The following DHX35 variants were observed in gnomAD, a reference collection of about 807,000 sequenced individuals.
DHX35 encodes probable ATP-dependent RNA helicase DHX35.
DHX35 carries 84 observed loss-of-function variants against 99.6 expected under a neutral mutation model. The ratio of observed to expected loss-of-function variants is 0.84; its 90% CI spans 0.71 to 1.01. The LOEUF is 1.01. DHX35 is among the 50% of genes least tolerant of loss of function. DHX35 has a pLI of 0.00. For missense variants in DHX35, 852 were observed against 888.5 expected, an observed-to-expected ratio of 0.96 and a Z score of 0.52; for synonymous variants, 331 against 316.2, an observed-to-expected ratio of 1.05 and a Z score of -0.50.
chr20:39,022,249 C>G (rs948185129), intron 16 of DHX35, among the ~76,000 whole-genome samples: 1 of 152,190 alleles, frequency 6.6e-6, no homozygotes, highest in African/African-American at 2.4e-5. Context: ...CAACTGCACT[C>G]TGCCTCCCAG....
At chr20:38,984,562 T>G (rs2086222211) in intron 4 of DHX35, among the ~76,000 whole-genome samples, 1 of 152,204 alleles carries the variant, frequency 6.6e-6, no homozygotes, top group African/African-American at 2.4e-5. Context: ...TATTAAAGCT[T>G]GAAAAGTAAG....
At chr20:39,034,936 T>A (rs927045213) in intron 21 of DHX35, among the ~76,000 whole-genome samples, 11 of 151,922 alleles carry the variant, frequency 7.2e-5, no homozygotes, top group Admixed American at 3.9e-4. Flanking sequence ...TTAAAAAAAA[T>A]TTTTTTAGGG....
At position 39,025,325 on chromosome 20, in the gene DHX35, T is replaced by C. The variant is rs374189771; in HGVS notation, c.1767T>C (p.Leu589=). The C allele has an allele frequency of 8.7e-6, 14 of 1,613,750 alleles. No homozygotes were observed. The African/African-American group carries it at 1.7e-4, about 20-fold the overall frequency. ...TAAGAGAACAATTGAAAAAGCTTCTTGTCAAGTTTCAAGTGCCCAGGAAGT... is the reference window on the plus strand; with the variant it reads ...TAAGAGAACAATTGAAAAAGCTTCTCGTCAAGTTTCAAGTGCCCAGGAAGT... ...ATVREQLKKL[L]VKFQVPRKSS... is the part of the protein sequence containing the mutation. The change falls in exon 18 of 22, where the codon CTT becomes CTC. Residue 589 remains leucine (L), a synonymous_variant. Transcript: ENST00000252011.
intron 8 of DHX35, among the ~76,000 whole-genome samples, chr20:38,998,210 T>G (rs2145887634): frequency 6.6e-6 from 1 of 152,384 alleles, no homozygotes; most frequent in Admixed American, 6.5e-5. Context: ...TGCTTTTCTT[T>G]TATTTGCGTC....
intron 21 of DHX35, 92 bp from the exon 22 acceptor site, chr20:39,038,407 G>A (rs1436605741): frequency 7.2e-7 from 1 of 1,381,976 alleles, no homozygotes; most frequent in Non-Finnish European, 1.0e-6. Flanking sequence ...CCAGATGGAA[G>A]ATTTGATGTG....
chr20:39,029,818 C>T (rs944353571), intron 19 of DHX35: 1 of 152,272 alleles, frequency 6.6e-6, no homozygotes, highest in Non-Finnish European at 1.5e-5. Flanking sequence ...CAGCTCACCA[C>T]CCCCTGGTAG....
chr20:38,990,917 C>T (rs2086327923), intron 5 of DHX35, among the ~76,000 whole-genome samples: 1 of 152,148 alleles, frequency 6.6e-6, no homozygotes, highest in South Asian at 2.1e-4. Context: ...AGTAACTTGT[C>T]CAAGGTTCAC....
intron 8 of DHX35, among the ~76,000 whole-genome samples, chr20:38,995,594 C>T (rs1033561758): frequency 6.6e-6 from 1 of 152,030 alleles, no homozygotes; most frequent in African/African-American, 2.4e-5. Flanking sequence ...GCTAGGTTTA[C>T]ATTATTTTTC....
Position 39,028,464 on chromosome 20 carries a change from C to T in DHX35, c.1848C>T (p.Ala616=), listed in dbSNP as rs756337375. The part of the protein sequence containing the change: ...VLRCIVSGFF[A]NAARFHSTGA... ...GGTGCATTGTCTCCGGCTTCTTCGC[C>T]AATGCAGCGAGGTTTCATTCTACTG... Residue 616 remains alanine, a synonymous_variant, in exon 19 of 22, where the codon GCC becomes GCT. Coordinates refer to ENST00000252011, the MANE Select transcript of DHX35 (RefSeq NM_021931.4). The T allele has an allele frequency of 1.2e-6, 2 of 1,614,218 alleles. No homozygotes were observed. Among genetic ancestry groups the T allele is most frequent in the East Asian group, 4.5e-5 (2 of 44,886 alleles).
intron 20 of DHX35, among the ~76,000 whole-genome samples, chr20:39,031,035 G>A (rs1214261819): frequency 6.6e-6 from 1 of 152,040 alleles, no homozygotes; most frequent in Non-Finnish European, 1.5e-5. Context: ...TGATGGGCAC[G>A]TCTGTAATCT....
intron 4 of DHX35, among the ~76,000 whole-genome samples, chr20:38,988,203 G>C (rs1334419924): frequency 6.6e-6 from 1 of 151,968 alleles, no homozygotes; most frequent in Non-Finnish European, 1.5e-5. Context: ...TTTTCTCATT[G>C]GCTTTGATCT....
chr20:38,979,232 A>T (rs1424816210), intron 3 of DHX35, among the ~76,000 whole-genome samples: 7 of 151,996 alleles, frequency 4.6e-5, no homozygotes, highest in Non-Finnish European at 1.0e-4. Flanking sequence ...ATAGACATTT[A>T]GGTTGTTTAC....
chr20:39,021,951 C>T lies in DHX35; in HGVS notation c.1593+16C>T, dbSNP rs745438890. 1 of 1,612,268 alleles carries T rather than the reference C, an allele frequency of 6.2e-7. No individual in the cohort carries two copies. The highest frequency in any genetic ancestry group is 8.5e-7 in the Non-Finnish European group (1 of 1,178,308). On this transcript the variant is annotated intron_variant, in intron 16 of 21. Transcript: ENST00000252011. ...GTCTCACGCAGTAAGTCAGCTCTGT[C>T]CCCAGGCTGTCTGTACCAGTCTCTT...
chr20:39,033,097 A>G (rs557791950), intron 20 of DHX35, among the ~76,000 whole-genome samples: 2 of 152,156 alleles, frequency 1.3e-5, no homozygotes, highest in African/African-American at 4.8e-5. Flanking sequence ...TGAGCCAGGC[A>G]TGGTGGCACG....
chr20:38,989,246 C>T (rs568272318), intron 5 of DHX35, among the ~76,000 whole-genome samples: 53 of 150,162 alleles, frequency 3.5e-4, no homozygotes, highest in African/African-American at 4.7e-4. Flanking sequence ...TACAGGCGAC[C>T]GTCACCACAC....
intron 2 of DHX35, among the ~76,000 whole-genome samples, chr20:38,970,287 G>A (rs944503760): frequency 1.3e-5 from 2 of 152,158 alleles, no homozygotes; most frequent in African/African-American, 4.8e-5. Flanking sequence ...CTATTAATGT[G>A]TTCTTTCTCC....
At chr20:38,973,674 G>T (rs986629887) in intron 3 of DHX35, among the ~76,000 whole-genome samples, 2 of 152,220 alleles carry the variant, frequency 1.3e-5, no homozygotes, top group African/African-American at 4.8e-5. Flanking sequence ...GCATAGCAGG[G>T]TTCGGCAAGT....
At position 38,983,824 on chromosome 20, in the gene DHX35, T is replaced by C. The variant is rs779912609; in HGVS notation, c.345+48T>C. The C allele has an allele frequency of 3.9e-6, 6 of 1,526,336 alleles. No individual in the cohort carries two copies. The South Asian group carries it at 5.8e-5, about 15-fold the overall frequency. 94.5% of individuals were successfully genotyped at this position (1,526,336 alleles called of 1,614,324 possible). A position where few individuals can be genotyped will look rare whatever the true frequency, so the allele number is the denominator to read the frequency against. On this transcript the variant is annotated intron_variant, in intron 4 of 21. Coordinates refer to ENST00000252011, the MANE Select transcript of DHX35 (RefSeq NM_021931.4). ...AAGATTCTATCTGTGTTGTCTACAT[T>C]TGTGATTTGTTTACATTTCCTAAAG... is the stretch of plus-strand genomic sequence containing the variant.
Position 38,972,647 on chromosome 20 carries a change from C to T in DHX35, c.263C>T (p.Pro88Leu). Residue 88 changes from proline (P) to leucine (L), a missense_variant, in exon 3 of 22, where the codon CCT (proline) becomes CTT (leucine). Transcript: ENST00000252011. ...GGATGTGGGAAGAGCACACAGATTC[C>T]TCAGGTGAGTACATATTTAATAAGT... ...ETGCGKSTQI[P>L]QYLAEAGWTA... 3 of 1,607,238 alleles carry T rather than the reference C, an allele frequency of 1.9e-6. No individual in the cohort carries two copies. Among genetic ancestry groups the T allele is most frequent in the East Asian group, 2.2e-5 (1 of 44,758 alleles).
Sources: gnomAD v4.1 joint callset for allele counts (sites outside exome capture counted in the v4.1 genomes callset) on GRCh38, gnomAD v4.1.1 for gene constraint, MANE v1.5 for transcripts, NCBI Gene and HGNC (gene_info 2026-07-23, HGNC 2026-07-21) for gene names.